The following HHIPL2 variants were observed in gnomAD, a reference collection of about 807,000 sequenced individuals.
HHIPL2 encodes the protein HHIP like 2, also known as HHIP-like protein 2.
Under a neutral mutation model 61.0 loss-of-function variants are expected in HHIPL2, and 61 were observed. That is an observed-to-expected ratio of 1.00 (90% CI 0.81 to 1.24). The LOEUF (loss-of-function observed/expected upper bound fraction) is 1.24. Ranked by LOEUF, HHIPL2 falls within the 50% of genes most tolerant of loss-of-function variation. HHIPL2 has a pLI of 0.00. For synonymous variants in HHIPL2, 343 were observed against 357.4 expected, an observed-to-expected ratio of 0.96 and a Z score of 0.45; for missense variants, 885 against 910.2, an observed-to-expected ratio of 0.97 and a Z score of 0.36.
Position 222,522,640 on chromosome 1 carries a change from T to TA in HHIPL2, c.2135_2136insT (p.Ser713IlefsTer23), listed in dbSNP as rs1380169553. ...TGCCAGCTCGCTTCTGCTCTGCTGATGGCCTCATCCTGCCACTGTGGCTTT... is the reference window on the plus strand; with the variant it reads ...TGCCAGCTCGCTTCTGCTCTGCTGATAGGCCTCATCCTGCCACTGTGGCTTT... On this transcript the variant is annotated frameshift_variant, in exon 9 of 9. Transcript: ENST00000343410. LOFTEE classifies it low-confidence loss of function (END_TRUNC). The TA allele has an allele frequency of 1.2e-6, 2 of 1,614,010 alleles. No individual in the cohort carries two copies. The highest frequency in any genetic ancestry group is 8.5e-7 in the Non-Finnish European group (1 of 1,180,052).
chr1:222,541,343 G>T (rs945799665), intron 3 of HHIPL2, among the ~76,000 whole-genome samples: 2 of 152,108 alleles, frequency 1.3e-5, no homozygotes, highest in African/African-American at 4.8e-5. Flanking sequence ...GTATTGTGTG[G>T]GTTGGGATTC....
chr1:222,525,667 A>G (rs1430828980), intron 7 of HHIPL2, among the ~76,000 whole-genome samples: 1 of 152,074 alleles, frequency 6.6e-6, no homozygotes, highest in Non-Finnish European at 1.5e-5. Context: ...ATTCAGGGGG[A>G]GATTTTCTTG....
Position 222,547,935 on chromosome 1 carries a change from C to T in HHIPL2, c.110G>A (p.Gly37Asp), listed in dbSNP as rs1283286047. The T allele has an allele frequency of 6.2e-7, 1 of 1,613,044 alleles. No individual in the cohort carries two copies. The highest frequency in any genetic ancestry group is 8.5e-7 in the Non-Finnish European group (1 of 1,179,288). Residue 37 changes from glycine (G) to aspartate (D), a missense_variant, in exon 1 of 9, where the codon GGC becomes GAC. Transcript: ENST00000343410. ...GCACTGGGGGTGTCCCTGCAGCAAG[C>T]CCACCTGGCCCAACAAGAATATGAG... ...LCLIFLLGQV[G>D]LLQGHPQCLD...
At position 222,530,279 on chromosome 1, in the gene HHIPL2, G is replaced by A. The variant is rs77148778; in HGVS notation, c.1723+1687C>T. 8.8e-3 allele frequency among the ~76,000 whole-genome samples: 1,343 copies of A among 152,254 alleles called. 20 individuals carry two copies. The highest frequency in any genetic ancestry group is 0.03 in the African/African-American group (1,248 of 41,532). Reference sequence around the variant, plus strand: ...TGAAGAGGAGCAAGCCACAGAAGATGGCAGCCCAGAATCCCTGGGCAGGCC... The same window carrying A: ...TGAAGAGGAGCAAGCCACAGAAGATAGCAGCCCAGAATCCCTGGGCAGGCC... On this transcript the variant is annotated intron_variant, in intron 6 of 8. Coordinates refer to ENST00000343410, the MANE Select transcript of HHIPL2 (RefSeq NM_024746.4).
chr1:222,542,525 T>C (rs1396010662), intron 2 of HHIPL2, among the ~76,000 whole-genome samples: 2 of 141,044 alleles, frequency 1.4e-5, no homozygotes, highest in Admixed American at 7.5e-5. Context: ...CCACCACATC[T>C]GGCTTTTTTT....
intron 4 of HHIPL2, among the ~76,000 whole-genome samples, chr1:222,539,634 T>C (rs1017350895): frequency 1.2e-4 from 18 of 151,910 alleles, no homozygotes; most frequent in African/African-American, 4.1e-4. Flanking sequence ...CCTGTCCCAG[T>C]TGGGAAATAA....
In HHIPL2 at chr1:222,532,123, A is replaced by G. The variant is rs746983158; in HGVS notation, c.1578-12T>C. On this transcript the variant is annotated splice_polypyrimidine_tract_variant and intron_variant, in intron 5 of 8. Coordinates refer to ENST00000343410, the MANE Select transcript of HHIPL2 (RefSeq NM_024746.4). ...AAGCCATAAGTCGACTAGACAAAAA[A>G]TAAACCCTTATGTTTAGGAATCCAT... is the stretch of plus-strand genomic sequence containing the variant. The G allele has an allele frequency of 6.2e-7, 1 of 1,608,482 alleles. No individual in the cohort carries two copies. Among genetic ancestry groups the G allele is most frequent in the Non-Finnish European group, 8.5e-7 (1 of 1,177,460 alleles).
intron 3 of HHIPL2, among the ~76,000 whole-genome samples, chr1:222,541,488 C>T (rs2102620369): frequency 6.6e-6 from 1 of 152,274 alleles, no homozygotes. Context: ...TTGTGCCAGG[C>T]ACTGTCCTGA....
intron 7 of HHIPL2, among the ~76,000 whole-genome samples, chr1:222,525,447 C>G (rs949198647): frequency 6.6e-5 from 10 of 152,162 alleles, no homozygotes; most frequent in Non-Finnish European, 1.3e-4. Context: ...CCCCGGGGAA[C>G]AGCCTCAGGG....
chr1:222,540,014 A>AG lies in HHIPL2; in HGVS notation c.1445dup (p.Leu483PhefsTer3), dbSNP rs1292739645. ...CCCAGAGAGCTTCTTACTTACCCAA[A>AG]GAGGCATTGTGACAAAGTTTTTTGT... On this transcript the variant is annotated frameshift_variant, in exon 4 of 9. Transcript: ENST00000343410. LOFTEE classifies it high-confidence loss of function. 1.9e-6 allele frequency: 3 copies of AG among 1,613,204 alleles called. No homozygotes were observed. In the African/African-American group the frequency reaches 4.0e-5, roughly 22 times the overall value.
chr1:222,545,457 T>C (rs1367386202), intron 1 of HHIPL2, among the ~76,000 whole-genome samples: 3 of 152,138 alleles, frequency 2.0e-5, no homozygotes, highest in Non-Finnish European at 4.4e-5. Flanking sequence ...GGTGTCTGTT[T>C]CCATTTAAGA....
chr1:222,547,983 G>A lies in HHIPL2; in HGVS notation c.62C>T (p.Ser21Phe). 6.2e-7 allele frequency: 1 copy of A among 1,608,754 alleles called. No homozygotes were observed. Among genetic ancestry groups the A allele is most frequent in the Non-Finnish European group, 8.5e-7 (1 of 1,176,312 alleles). Residue 21 changes from serine (S) to phenylalanine (F), a missense_variant, in exon 1 of 9, where the codon TCT (serine) becomes TTT (phenylalanine). Ser to Phe is a radical substitution (Grantham distance 155, BLOSUM62 -2). Coordinates refer to ENST00000343410, the MANE Select transcript of HHIPL2 (RefSeq NM_024746.4). ...GGLHCRAPWL[S>F]SGILCLCLIF... ...GAGGCAGAGGCAGAGAATGCCAGAAGAGAGCCAGGGGGCCCGGCAATGCAG... is the reference window on the plus strand; with the variant it reads ...GAGGCAGAGGCAGAGAATGCCAGAAAAGAGCCAGGGGGCCCGGCAATGCAG...
chr1:222,541,864 G>T (rs1032453078), intron 3 of HHIPL2, 148 bp downstream of exon 3: 2 of 728,552 alleles, frequency 2.7e-6, no homozygotes, highest in Non-Finnish European at 4.3e-6. Flanking sequence ...GAAATTTATG[G>T]AACAGAAAAC....
chr1:222,535,362 T>C (rs1436346710), intron 5 of HHIPL2, among the ~76,000 whole-genome samples: 2 of 152,202 alleles, frequency 1.3e-5, no homozygotes, highest in African/African-American at 4.8e-5. Flanking sequence ...GATAGAAACA[T>C]GCATCTACCC....
At chr1:222,546,793 C>G (rs181863157) in intron 1 of HHIPL2, among the ~76,000 whole-genome samples, 1 of 152,184 alleles carries the variant, frequency 6.6e-6, no homozygotes, top group East Asian at 1.9e-4. Context: ...AACCACTTCA[C>G]GCCCTATGTG....
chr1:222,543,314 A>C (rs1659474706), intron 2 of HHIPL2, among the ~76,000 whole-genome samples: 1 of 152,188 alleles, frequency 6.6e-6, no homozygotes, highest in African/African-American at 2.4e-5. Context: ...AAGACAGGAA[A>C]GTATGTCTTT....
In HHIPL2 at chr1:222,522,576, C is replaced by T. The variant is rs540685474; in HGVS notation, c.*25G>A. ...AGGTGGCTCTCCTCTCTCACGTCAC[C>T]CTGTCGGCCACCTTGACCAATAGGT... On this transcript the variant is annotated 3_prime_UTR_variant, in exon 9 of 9. Coordinates refer to ENST00000343410, the MANE Select transcript of HHIPL2 (RefSeq NM_024746.4). 1.1e-4 allele frequency: 180 copies of T among 1,603,708 alleles called. No individual in the cohort carries two copies. The South Asian group carries it at 1.6e-3, about 15-fold the overall frequency.
intron 5 of HHIPL2, among the ~76,000 whole-genome samples, chr1:222,535,798 T>C (rs78434404): frequency 4.1e-4 from 62 of 152,212 alleles, no homozygotes; most frequent in African/African-American, 1.4e-3. Flanking sequence ...TCATATACAA[T>C]ATGTTCTGGG....
Position 222,538,425 on chromosome 1 carries a change from G to T in HHIPL2, c.1577+223C>A, listed in dbSNP as rs996099864. Reference sequence around the variant, plus strand: ...GAGCCCCTGGTATGAGAGAGAGACAGAGAGAGAGAGAGAGAGAGAGAGAGG... The same window carrying T: ...GAGCCCCTGGTATGAGAGAGAGACATAGAGAGAGAGAGAGAGAGAGAGAGG... On this transcript the variant is annotated intron_variant, in intron 5 of 8. Transcript: ENST00000343410. 9.3e-4 allele frequency among the ~76,000 whole-genome samples: 128 copies of T among 137,942 alleles called. 1 individual carries two copies. Among genetic ancestry groups the T allele is most frequent in the Middle Eastern group, 3.6e-3 (1 of 280 alleles). The allele number at this position is 137,942 out of a possible 152,430, so 90.5% of individuals were successfully genotyped here.
Sources: allele counts gnomAD v4.1 joint callset (sites outside exome capture counted in the v4.1 genomes callset), GRCh38; gene constraint gnomAD v4.1.1; transcripts MANE v1.5; gene names NCBI Gene and HGNC (gene_info 2026-07-23, HGNC 2026-07-21).